Variants in PLCL1 observed in about 807,000 individuals in gnomAD.
PLCL1 encodes phospholipase C like 1 (inactive).
A neutral mutation model predicts 84.4 loss-of-function variants in PLCL1; 41 were observed. The ratio of observed to expected loss-of-function variants is 0.49; its 90% CI spans 0.38 to 0.63. PLCL1 has a LOEUF of 0.63. PLCL1 is among the 30% of genes least tolerant of loss of function. The pLI is 0.00. For missense variants in PLCL1, 1,206 were observed against 1,367.8 expected, an observed-to-expected ratio of 0.88 and a Z score of 1.87; for synonymous variants, 490 against 488.3, an observed-to-expected ratio of 1.00 and a Z score of -0.05.
chr2:197,856,679 C>T (rs1687334880), intron 1 of PLCL1, among the ~76,000 whole-genome samples: 1 of 152,008 alleles, frequency 6.6e-6, no homozygotes, highest in Admixed American at 6.6e-5. Flanking sequence ...GTGGTTTATA[C>T]AATATATAAG....
chr2:198,126,199 AT>A (rs1373293308), intron 5 of PLCL1, among the ~76,000 whole-genome samples: 1 of 151,972 alleles, frequency 6.6e-6, no homozygotes, highest in East Asian at 1.9e-4. Flanking sequence ...AGTTCTCCAA[AT>A]ATCCCATGTG....
intron 1 of PLCL1, among the ~76,000 whole-genome samples, chr2:198,034,280 T>TGA (rs1478121048): frequency 6.6e-6 from 1 of 152,178 alleles, no homozygotes; most frequent in Non-Finnish European, 1.5e-5. Flanking sequence ...TTGCTGAGAA[T>TGA]GATGGTTTCC....
chr2:197,871,693 G>A lies in PLCL1; in HGVS notation c.240+66354G>A, dbSNP rs1190489260. On this transcript the variant is annotated intron_variant, in intron 1 of 5. Coordinates refer to ENST00000428675, the MANE Select transcript of PLCL1 (RefSeq NM_006226.4). ...GCATTCCTTGGCTTATAATAACATC[G>A]TACCCCAAACAATACAAAACAAAAA... Among the ~76,000 whole-genome samples the A allele has an allele frequency of 5.3e-5, 8 of 152,036 alleles. No homozygotes were observed. The South Asian group carries it at 6.2e-4, about 12-fold the overall frequency.
At chr2:197,988,171 C>A (rs1690258484) in intron 1 of PLCL1, among the ~76,000 whole-genome samples, 1 of 152,094 alleles carries the variant, frequency 6.6e-6, no homozygotes, top group South Asian at 2.1e-4. Context: ...GACGGTGGGA[C>A]CTACCCAGTG....
intron 5 of PLCL1, among the ~76,000 whole-genome samples, chr2:198,132,273 C>T (rs1247498765): frequency 6.6e-6 from 1 of 152,106 alleles, no homozygotes; most frequent in Non-Finnish European, 1.5e-5. Flanking sequence ...CTTGGTCCAA[C>T]CAGTTTTGGC....
At chr2:198,011,562 G>A (rs56765024) in intron 1 of PLCL1, among the ~76,000 whole-genome samples, 2 of 151,932 alleles carry the variant, frequency 1.3e-5, no homozygotes, top group East Asian at 1.9e-4. Flanking sequence ...TTCCATGTGC[G>A]CTTGAGAATA....
At chr2:197,847,777 G>T (rs760820897) in intron 1 of PLCL1, among the ~76,000 whole-genome samples, 15 of 152,082 alleles carry the variant, frequency 9.9e-5, no homozygotes, top group African/African-American at 3.4e-4. Context: ...CACTTTTCCC[G>T]CTCTCAAGCT....
chr2:197,998,006 G>A (rs1434484395), intron 1 of PLCL1, among the ~76,000 whole-genome samples: 2 of 152,138 alleles, frequency 1.3e-5, no homozygotes, highest in Admixed American at 6.5e-5. Flanking sequence ...GTTGCCAAGG[G>A]CTCAGAATTT....
chr2:197,855,296 C>T (rs1290906485), intron 1 of PLCL1, among the ~76,000 whole-genome samples: 1 of 152,138 alleles, frequency 6.6e-6, no homozygotes, highest in East Asian at 1.9e-4. Flanking sequence ...TTTTTCCTGG[C>T]ACACTGCTAT....
At chr2:198,058,961 A>G (rs1318273109) in intron 1 of PLCL1, among the ~76,000 whole-genome samples, 1 of 152,202 alleles carries the variant, frequency 6.6e-6, no homozygotes, top group Non-Finnish European at 1.5e-5. Flanking sequence ...CTAACCTAAG[A>G]GAATCCTGAG....
rs141242892 is a variant in PLCL1, at chr2:197,878,520, C to T, written c.240+73181C>T. Among the ~76,000 whole-genome samples the T allele has an allele frequency of 1.5e-4, 23 of 152,218 alleles. No individual in the cohort carries two copies. The East Asian group carries it at 4.3e-3, about 28-fold the overall frequency. ...CAGCCTATCTTTTGGAATATGAATG[C>T]ATTTTAAATGGATTTCCATTTTCTA... On this transcript the variant is annotated intron_variant, in intron 1 of 5. Transcript: ENST00000428675.
intron 5 of PLCL1, among the ~76,000 whole-genome samples, chr2:198,133,989 C>T (rs928478450): frequency 6.6e-6 from 1 of 152,064 alleles, no homozygotes; most frequent in African/African-American, 2.4e-5. Context: ...TCATGGTCTG[C>T]ACACTGAGGT....
chr2:197,809,670 C>T (rs978515815), intron 1 of PLCL1, among the ~76,000 whole-genome samples: 1 of 152,062 alleles, frequency 6.6e-6, no homozygotes, highest in Non-Finnish European at 1.5e-5. Context: ...TTCCCCATAC[C>T]CCTGCAGACA....
intron 1 of PLCL1, among the ~76,000 whole-genome samples, chr2:197,962,721 A>G (rs919288745): frequency 6.6e-6 from 1 of 152,020 alleles, no homozygotes; most frequent in Non-Finnish European, 1.5e-5. Flanking sequence ...CCCATTAATC[A>G]TCCCCACTCC....
intron 1 of PLCL1, among the ~76,000 whole-genome samples, chr2:198,056,245 T>A (rs1040387544): frequency 6.6e-6 from 1 of 152,228 alleles, no homozygotes; most frequent in African/African-American, 2.4e-5. Flanking sequence ...AGCAACAGAA[T>A]TTTTCATCAG....
chr2:197,970,483 A>G (rs886161431), intron 1 of PLCL1, among the ~76,000 whole-genome samples: 4 of 152,354 alleles, frequency 2.6e-5, no homozygotes, highest in South Asian at 2.1e-4. Flanking sequence ...GAGATATACT[A>G]TAAGTGTAAA....
At chr2:197,997,153 C>A (rs1488344932) in intron 1 of PLCL1, among the ~76,000 whole-genome samples, 6 of 152,210 alleles carry the variant, frequency 3.9e-5, no homozygotes, top group Non-Finnish European at 8.8e-5. Context: ...CTTATCCCAG[C>A]ATTTCTTCCT....
intron 1 of PLCL1, among the ~76,000 whole-genome samples, chr2:198,001,619 A>AT (rs1166522105): frequency 1.3e-5 from 2 of 151,702 alleles, no homozygotes; most frequent in African/African-American, 2.4e-5. Context: ...AGGTTGATCC[A>AT]TTTTTTTTCT....
rs1448955171 is a variant in PLCL1, at chr2:198,036,658, G to GT, written c.241-47094dup. ...ATTTGGTCATTCATAGCCCTTAGTG[G>GT]TTTTTTCCTCCATGGTTCATACATC... is the stretch of plus-strand genomic sequence containing the variant. On this transcript the variant is annotated intron_variant, in intron 1 of 5. Transcript: ENST00000428675. Among the ~76,000 whole-genome samples, 5 of 152,072 alleles carry GT rather than the reference G, an allele frequency of 3.3e-5. No homozygotes were observed. In the South Asian group the frequency reaches 6.2e-4, roughly 19 times the overall value.
Sources: gnomAD v4.1 joint callset for allele counts (sites outside exome capture counted in the v4.1 genomes callset) on GRCh38, gnomAD v4.1.1 for gene constraint, MANE v1.5 for transcripts, NCBI Gene and HGNC (gene_info 2026-07-23, HGNC 2026-07-21) for gene names.